The following NALCN variants were observed in gnomAD, a reference collection of about 807,000 sequenced individuals.
NALCN encodes sodium leak channel, non-selective.
A neutral mutation model predicts 225.3 loss-of-function variants in NALCN; 111 were observed. The ratio of observed to expected loss-of-function variants is 0.49; its 90% CI spans 0.42 to 0.58. The LOEUF (loss-of-function observed/expected upper bound fraction) is 0.58. NALCN is among the 20% of genes least tolerant of loss of function. The pLI is 0.00. For synonymous variants in NALCN, 764 were observed against 769.0 expected, an observed-to-expected ratio of 0.99 and a Z score of 0.11; for missense variants, 1,378 against 2,202.4, an observed-to-expected ratio of 0.63 and a Z score of 7.49.
At chr13:101,067,004 C>T (rs1358502635) in intron 39 of NALCN, among the ~76,000 whole-genome samples, 1 of 151,986 alleles carries the variant, frequency 6.6e-6, no homozygotes, top group Admixed American at 6.6e-5. Flanking sequence ...AAATACTGCA[C>T]TATTTATTAT....
chr13:101,373,946 A>G (rs1292999552), intron 6 of NALCN, among the ~76,000 whole-genome samples: 1 of 152,142 alleles, frequency 6.6e-6, no homozygotes, highest in Non-Finnish European at 1.5e-5. Context: ...TTTTATATTC[A>G]CCAAAATCTC....
rs551045793 is a variant in NALCN, at chr13:101,362,182, A to G, written c.644+14518T>C. Among the ~76,000 whole-genome samples, 6 of 152,134 alleles carry G rather than the reference A, an allele frequency of 3.9e-5. No homozygotes were observed. In the East Asian group the frequency reaches 1.2e-3, roughly 29 times the overall value. On this transcript the variant is annotated intron_variant, in intron 6 of 43. Coordinates refer to ENST00000251127, the MANE Select transcript of NALCN (RefSeq NM_052867.4). ...TCGAATCCCATGAAACATAACATAT[A>G]CATAGGGATAGAAACCAGACTTAAT...
rs2039406520 is a variant in NALCN at position 101,185,359 on chromosome 13, C to A, written c.1764+6558G>T. Among the ~76,000 whole-genome samples, 3 of 152,182 alleles carry A rather than the reference C, an allele frequency of 2.0e-5. No individual in the cohort carries two copies. The South Asian group carries it at 6.2e-4, about 31-fold the overall frequency. ...GTTAATTTCAGCACTTCAAAGGTAA[C>A]AAAAAGACTACCCACAATGAACGCT... is the stretch of plus-strand genomic sequence containing the variant. On this transcript the variant is annotated intron_variant, in intron 14 of 43. Transcript: ENST00000251127.
At position 101,189,331 on chromosome 13, in the gene NALCN, G is replaced by A. The variant is rs552028501; in HGVS notation, c.1764+2586C>T. ...GGGCATAAATGATACCCTAATAAAT[G>A]ATACTTGCATAAATTAAAAATATCT... On this transcript the variant is annotated intron_variant, in intron 14 of 43. Coordinates refer to ENST00000251127, the MANE Select transcript of NALCN (RefSeq NM_052867.4). Among the ~76,000 whole-genome samples the A allele has an allele frequency of 7.9e-5, 12 of 152,244 alleles. No individual in the cohort carries two copies. In the East Asian group the frequency reaches 2.3e-3, roughly 29 times the overall value.
intron 33 of NALCN, among the ~76,000 whole-genome samples, chr13:101,081,903 AGTCTCGCTCT>A (rs2033674091): frequency 6.6e-6 from 1 of 152,042 alleles, no homozygotes; most frequent in South Asian, 2.1e-4. Flanking sequence ...TTTGAGACTG[AGTCTCGCTCT>A]GTCACCCAGG....
chr13:101,090,040 T>C, intron 28 of NALCN, 74 bp from the exon 29 acceptor site: 1 of 1,601,354 alleles, frequency 6.2e-7, no homozygotes, highest in Non-Finnish European at 8.5e-7. Context: ...TGTAGCCCTT[T>C]CCAGTCATGA....
In NALCN at chr13:101,400,215, C is replaced by T. The variant is rs150977152; in HGVS notation, c.-39-1050G>A. Among the ~76,000 whole-genome samples, 15 of 152,184 alleles carry T rather than the reference C, an allele frequency of 9.9e-5. No homozygotes were observed. The East Asian group carries it at 2.7e-3, about 27-fold the overall frequency. On this transcript the variant is annotated intron_variant, in intron 1 of 43. Transcript: ENST00000251127. The stretch of plus-strand genomic sequence containing the variant: ...GCATGAGAAAAATGAGAAAAGCTAG[C>T]CTCAAGGCAGGTAATAACTTGACCA...
intron 7 of NALCN, among the ~76,000 whole-genome samples, chr13:101,333,872 C>T (rs989460416): frequency 2.0e-5 from 3 of 152,114 alleles, no homozygotes; most frequent in African/African-American, 7.2e-5. Context: ...ATTTGTTTCA[C>T]GTGAGTATCT....
chr13:101,187,365 G>C (rs1356986161), intron 14 of NALCN, among the ~76,000 whole-genome samples: 1 of 151,728 alleles, frequency 6.6e-6, no homozygotes, highest in Non-Finnish European at 1.5e-5. Context: ...TTTCCCTTGG[G>C]GACAAAGGAG....
chr13:101,292,572 C>A lies in NALCN; in HGVS notation c.800-206G>T, dbSNP rs2043593678. Among the ~76,000 whole-genome samples, 1 of 152,134 alleles carries A rather than the reference C, an allele frequency of 6.6e-6. No individual in the cohort carries two copies. On this transcript the variant is annotated intron_variant, in intron 7 of 43. Transcript: ENST00000251127. The surrounding 1 kb of genome is among the most constrained non-coding windows in gnomAD (Gnocchi z 4.3). ...TTCTGACTTCAAGCCAGGGTAATTT[C>A]AACATCTAACAATAAAATAATTTGA...
intron 6 of NALCN, among the ~76,000 whole-genome samples, chr13:101,363,514 GA>G: frequency 6.6e-6 from 1 of 152,146 alleles, no homozygotes; most frequent in Non-Finnish European, 1.5e-5. Flanking sequence ...ATGGTGCTGG[GA>G]AAAATGGATA....
At chr13:101,323,390 A>C (rs2044824712) in intron 7 of NALCN, among the ~76,000 whole-genome samples, 1 of 152,240 alleles carries the variant, frequency 6.6e-6, no homozygotes, top group African/African-American at 2.4e-5. Flanking sequence ...TGACATTAAC[A>C]AACAATCTGT....
chr13:101,303,514 C>T (rs1443674621), intron 7 of NALCN, among the ~76,000 whole-genome samples: 1 of 152,018 alleles, frequency 6.6e-6, no homozygotes, highest in Non-Finnish European at 1.5e-5. Flanking sequence ...TTAATATTTG[C>T]CTGTTTTCTT....
At chr13:101,301,059 T>G (rs1464661017) in intron 7 of NALCN, among the ~76,000 whole-genome samples, 1 of 152,240 alleles carries the variant, frequency 6.6e-6, no homozygotes, top group Non-Finnish European at 1.5e-5. Flanking sequence ...TTGAAATATG[T>G]TTCCTTAAAT....
rs191151141 is a variant in NALCN at position 101,083,217 on chromosome 13, G to A, written c.3584-19C>T. The A allele has an allele frequency of 1.7e-5, 27 of 1,600,138 alleles. No individual in the cohort carries two copies. The Admixed American group carries it at 3.3e-4, about 20-fold the overall frequency. ...TCATTATCTAGAAAAGAAAGGTTTG[G>A]GCAAGGGCATTTTAGACACAGGTCA... On this transcript the variant is annotated intron_variant, in intron 31 of 43. Coordinates refer to ENST00000251127, the MANE Select transcript of NALCN (RefSeq NM_052867.4).
chr13:101,182,872 T>C, intron 14 of NALCN, among the ~76,000 whole-genome samples: 1 of 152,150 alleles, frequency 6.6e-6, no homozygotes, highest in East Asian at 1.9e-4. Flanking sequence ...AAGGTGACAA[T>C]AAGCACTGCG....
At chr13:101,140,360 G>A (rs1231717194) in intron 17 of NALCN, among the ~76,000 whole-genome samples, 2 of 152,112 alleles carry the variant, frequency 1.3e-5, no homozygotes, top group Non-Finnish European at 2.9e-5. Flanking sequence ...AAAATACTGT[G>A]TTCAGGAAAT....
At chr13:101,080,192 A>C (rs1316009063) in intron 34 of NALCN, among the ~76,000 whole-genome samples, 1 of 152,136 alleles carries the variant, frequency 6.6e-6, no homozygotes, top group African/African-American at 2.4e-5. Context: ...TAAATTAGTC[A>C]AGGCTGGAAA....
chr13:101,156,491 C>T (rs758976388), intron 15 of NALCN, among the ~76,000 whole-genome samples: 14 of 152,062 alleles, frequency 9.2e-5, no homozygotes, highest in Admixed American at 3.9e-4. Context: ...TATTTACCTA[C>T]GTATGTATCT....
Sources: allele counts gnomAD v4.1 joint callset (sites outside exome capture counted in the v4.1 genomes callset), GRCh38; gene constraint gnomAD v4.1.1; non-coding constraint Gnocchi (gnomAD v3.1); transcripts MANE v1.5; gene names NCBI Gene and HGNC (gene_info 2026-07-23, HGNC 2026-07-21).